SHISA9: variants seen among roughly 807,000 people sequenced by gnomAD.
The protein encoded by SHISA9 is shisa family member 9.
Under a neutral mutation model 38.0 loss-of-function variants are expected in SHISA9, and 13 were observed. That is an observed-to-expected ratio of 0.34 (90% CI 0.22 to 0.54). SHISA9 has a LOEUF of 0.54. Among genes scored for constraint, SHISA9 ranks in the 20% least tolerant of loss-of-function variants. The pLI, the probability that SHISA9 is intolerant of heterozygous loss-of-function variation, is 0.91. For synonymous variants in SHISA9, 275 were observed against 242.0 expected, an observed-to-expected ratio of 1.14 and a Z score of -1.27; for missense variants, 538 against 575.8, an observed-to-expected ratio of 0.93 and a Z score of 0.67.
chr16:13,390,815 TGAAAA>T, the SHISA9 span, among the ~76,000 whole-genome samples: 1 of 152,196 alleles, frequency 6.6e-6, no homozygotes, highest in African/African-American at 2.4e-5. Context: ...CATGGGCTGA[TGAAAA>T]GAAATACTTA....
chr16:13,226,858 C>G (rs2051284461), intron 4 of SHISA9, among the ~76,000 whole-genome samples: 1 of 152,146 alleles, frequency 6.6e-6, no homozygotes, highest in Non-Finnish European at 1.5e-5. Flanking sequence ...CACATGGAGG[C>G]AGATTTCAAG....
intron 2 of SHISA9, among the ~76,000 whole-genome samples, chr16:12,955,204 G>A (rs1366782988): frequency 6.6e-6 from 1 of 152,104 alleles, no homozygotes; most frequent in African/African-American, 2.4e-5. Flanking sequence ...GGCATGTCAG[G>A]ACTGGCTGGA....
At chr16:12,920,289 G>A (rs1401510415) in intron 2 of SHISA9, among the ~76,000 whole-genome samples, 1 of 152,152 alleles carries the variant, frequency 6.6e-6, no homozygotes, top group Non-Finnish European at 1.5e-5. Flanking sequence ...CCTGCACGTT[G>A]TGCACATGTA....
intron 2 of SHISA9, among the ~76,000 whole-genome samples, chr16:13,013,562 A>T (rs1396586856): frequency 6.6e-6 from 1 of 151,986 alleles, no homozygotes; most frequent in Non-Finnish European, 1.5e-5. Flanking sequence ...TACATGCTAA[A>T]CAGTTATTCA....
intron 2 of SHISA9, among the ~76,000 whole-genome samples, chr16:13,020,962 G>C (rs2072845813): frequency 6.6e-6 from 1 of 152,222 alleles, no homozygotes; most frequent in African/African-American, 2.4e-5. Flanking sequence ...GGATTCTCTG[G>C]TGATTGGTGC....
At chr16:13,491,817 C>CTTTTTTTTTTTT in the SHISA9 span, among the ~76,000 whole-genome samples, 4 of 46,892 alleles carry the variant, frequency 8.5e-5, 1 homozygote, top group Non-Finnish European at 1.2e-4. Flanking sequence ...TATTTATTGA[C>CTTTTTTTTTTTT]CTTTTTTTTT....
At chr16:13,457,306 A>AAAACAAACAAAC in the SHISA9 span, among the ~76,000 whole-genome samples, 2 of 151,214 alleles carry the variant, frequency 1.3e-5, no homozygotes, top group Admixed American at 6.6e-5. Context: ...AACTCTATCA[A>AAAACAAACAAAC]AAACAAACAA....
chr16:13,507,550 G>T, the SHISA9 span, among the ~76,000 whole-genome samples: 71 of 152,166 alleles, frequency 4.7e-4, no homozygotes, highest in Non-Finnish European at 7.8e-4. Flanking sequence ...CCCAAGAATT[G>T]ATGTTATTAA....
chr16:13,556,854 T>A, the SHISA9 span, among the ~76,000 whole-genome samples: 1 of 152,114 alleles, frequency 6.6e-6, no homozygotes, highest in Admixed American at 6.5e-5. Flanking sequence ...AGCATTTACA[T>A]TGTATTAGGT....
the SHISA9 span, among the ~76,000 whole-genome samples, chr16:13,544,813 C>T: frequency 1.3e-5 from 2 of 151,940 alleles, no homozygotes; most frequent in Admixed American, 6.6e-5. Flanking sequence ...CGTGGTGGGG[C>T]GAGCCTGTAA....
At chr16:13,208,989 G>A (rs1378201699) in intron 3 of SHISA9, among the ~76,000 whole-genome samples, 1 of 152,190 alleles carries the variant, frequency 6.6e-6, no homozygotes, top group Non-Finnish European at 1.5e-5. Context: ...TCTGGAATTT[G>A]TCAGGGCTGA....
At chr16:13,532,362 G>T in the SHISA9 span, among the ~76,000 whole-genome samples, 1 of 152,126 alleles carries the variant, frequency 6.6e-6, no homozygotes, top group Non-Finnish European at 1.5e-5. Flanking sequence ...ACAGCTGGAG[G>T]AAGTAAACTT....
chr16:13,200,296 T>G (rs1487822976), intron 2 of SHISA9, among the ~76,000 whole-genome samples: 3 of 152,134 alleles, frequency 2.0e-5, no homozygotes, highest in Non-Finnish European at 4.4e-5. Flanking sequence ...CCACTTGAGT[T>G]GTGTGATGAG....
intron 2 of SHISA9, among the ~76,000 whole-genome samples, chr16:13,030,279 C>G (rs1273334244): frequency 1.3e-5 from 2 of 152,108 alleles, no homozygotes; most frequent in Non-Finnish European, 2.9e-5. Context: ...TGCTGCTCTC[C>G]TGTAGGTGAG....
Position 13,239,158 on chromosome 16 carries a change from A to ACATG in SHISA9, c.*3750_*3753dup, listed in dbSNP as rs1289016362. 4.0e-5 allele frequency: 6 copies of ACATG among 151,644 alleles called. No homozygotes were observed. Among genetic ancestry groups the ACATG allele is most frequent in the Non-Finnish European group, 8.8e-5 (6 of 67,920 alleles). 9.4% of individuals were successfully genotyped at this position (151,644 alleles called of 1,614,324 possible). A position where few individuals can be genotyped will look rare whatever the true frequency, so the allele number is the denominator to read the frequency against. The stretch of plus-strand genomic sequence containing the variant: ...AATTTCATCCATGTCCCTACAAAGG[A>ACATG]CATGAACTCATCATTTTTTATGGCT... On this transcript the variant is annotated 3_prime_UTR_variant, in exon 5 of 5. Coordinates refer to ENST00000558583, the MANE Select transcript of SHISA9 (RefSeq NM_001145204.3).
chr16:13,246,850 T>TA, the SHISA9 span, among the ~76,000 whole-genome samples: 19 of 150,514 alleles, frequency 1.3e-4, no homozygotes, highest in Non-Finnish European at 2.2e-4. Context: ...TCTGACTATT[T>TA]AAAAAAAAAC....
At chr16:13,404,185 G>A in the SHISA9 span, among the ~76,000 whole-genome samples, 1,352 of 152,198 alleles carry the variant, frequency 8.9e-3, 7 homozygotes, top group Non-Finnish European at 0.012. Flanking sequence ...CAACAATGAC[G>A]TATCTAGGGT....
chr16:13,253,344 A>G, the SHISA9 span, among the ~76,000 whole-genome samples: 3 of 152,260 alleles, frequency 2.0e-5, no homozygotes, highest in African/African-American at 7.2e-5. Context: ...TATCATGTCA[A>G]CGTCATCAGT....
the SHISA9 span, among the ~76,000 whole-genome samples, chr16:13,272,010 G>T: frequency 6.6e-6 from 1 of 151,734 alleles, no homozygotes; most frequent in Admixed American, 6.6e-5. Flanking sequence ...ACCCAGGAAG[G>T]AGAGTTTGCA....
Sources: gnomAD v4.1 joint callset for allele counts (sites outside exome capture counted in the v4.1 genomes callset) on GRCh38, gnomAD v4.1.1 for gene constraint, MANE v1.5 for transcripts, NCBI Gene and HGNC (gene_info 2026-07-23, HGNC 2026-07-21) for gene names.